The following ERC2 variants were observed in gnomAD, a reference collection of about 807,000 sequenced individuals.
The protein encoded by ERC2 is ELKS/RAB6-interacting/CAST family member 2.
A neutral mutation model predicts 114.8 loss-of-function variants in ERC2; 42 were observed. The observed-to-expected ratio is 0.37, with a 90% CI of 0.29 to 0.47. The LOEUF is 0.47. Ranked by LOEUF, ERC2 falls within the 20% of genes least tolerant of loss-of-function variation. The pLI is 0.99. For missense variants in ERC2, 939 were observed against 1,150.7 expected (o/e 0.82, Z 2.66); for synonymous variants, 454 against 425.5 (o/e 1.07, Z -0.82).
intron 17 of ERC2, among the ~76,000 whole-genome samples, chr3:55,537,959 C>T (rs1282088997): frequency 6.6e-6 from 1 of 152,182 alleles, no homozygotes; most frequent in Non-Finnish European, 1.5e-5. Context: ...CCACCACCCT[C>T]CAATTGTCTC....
intron 4 of ERC2, among the ~76,000 whole-genome samples, chr3:56,168,662 C>G (rs1417188773): frequency 6.6e-6 from 1 of 152,148 alleles, no homozygotes; most frequent in Non-Finnish European, 1.5e-5. Flanking sequence ...CTTGACTTCA[C>G]AGTGTTCCAG....
chr3:56,121,587 T>G (rs373179333), intron 6 of ERC2, among the ~76,000 whole-genome samples: 1 of 152,228 alleles, frequency 6.6e-6, no homozygotes, highest in East Asian at 1.9e-4. Context: ...CCAGGCATTC[T>G]GTGCAGTTAA....
chr3:55,722,439 G>A (rs1359930052), intron 15 of ERC2, among the ~76,000 whole-genome samples: 1 of 152,078 alleles, frequency 6.6e-6, no homozygotes, highest in Non-Finnish European at 1.5e-5. Context: ...GAAAACTCTA[G>A]TGCTTTCCCG....
intron 13 of ERC2, among the ~76,000 whole-genome samples, chr3:55,933,115 A>G (rs930651303): frequency 6.6e-6 from 1 of 151,970 alleles, no homozygotes; most frequent in Non-Finnish European, 1.5e-5. Context: ...AGGCTGAGGC[A>G]GGAGAATAGC....
chr3:56,040,313 AT>A (rs1336035436), intron 7 of ERC2, among the ~76,000 whole-genome samples: 5 of 151,484 alleles, frequency 3.3e-5, no homozygotes, highest in South Asian at 2.1e-4. Context: ...AATTACTTTG[AT>A]TTTTTTTCCA....
chr3:55,641,549 C>CAAAAAAAAAAA (rs57407975), intron 17 of ERC2, among the ~76,000 whole-genome samples: 5 of 28,346 alleles, frequency 1.8e-4, no homozygotes, highest in African/African-American at 4.5e-4. Flanking sequence ...GATTCTATCT[C>CAAAAAAAAAAA]AAAAAAAAAA....
At chr3:56,365,323 T>C (rs1239672004) in intron 2 of ERC2, among the ~76,000 whole-genome samples, 1 of 152,250 alleles carries the variant, frequency 6.6e-6, no homozygotes, top group African/African-American at 2.4e-5. Flanking sequence ...TACAATTGCC[T>C]ACAGTATTCA....
chr3:55,728,872 A>G (rs1320194805), intron 15 of ERC2, among the ~76,000 whole-genome samples: 2 of 152,132 alleles, frequency 1.3e-5, no homozygotes. Flanking sequence ...CTACTCCCAC[A>G]CTACTTAAAA....
intron 17 of ERC2, among the ~76,000 whole-genome samples, chr3:55,570,663 G>A (rs1164593384): frequency 5.9e-5 from 9 of 152,140 alleles, no homozygotes; most frequent in Non-Finnish European, 4.4e-5. Flanking sequence ...ACCTAGACTG[G>A]GATGTGATTA....
chr3:56,153,127 T>C (rs1430824352), intron 4 of ERC2, among the ~76,000 whole-genome samples: 11 of 152,214 alleles, frequency 7.2e-5, no homozygotes, highest in Non-Finnish European at 7.3e-5. Flanking sequence ...TATAGATTAA[T>C]AGTAAACTTA....
chr3:56,033,022 A>AGAG (rs376606499), intron 7 of ERC2, among the ~76,000 whole-genome samples: 2 of 75,670 alleles, frequency 2.6e-5, no homozygotes, highest in South Asian at 4.7e-4. Context: ...AAAGAAAGAA[A>AGAG]AAAGAAACAG....
intron 6 of ERC2, among the ~76,000 whole-genome samples, chr3:56,098,762 G>A (rs1467619122): frequency 6.6e-6 from 1 of 152,166 alleles, no homozygotes; most frequent in Non-Finnish European, 1.5e-5. Context: ...ATGAAGCAGT[G>A]AGGACTTCTA....
intron 3 of ERC2, among the ~76,000 whole-genome samples, chr3:56,195,500 CGTGT>C (rs112067114): frequency 2.0e-5 from 3 of 149,924 alleles, no homozygotes; most frequent in Non-Finnish European, 3.0e-5. Flanking sequence ...TGCGTGTGTG[CGTGT>C]GTGTGTGTGT....
At chr3:55,673,160 G>A (rs2061633789) in intron 17 of ERC2, among the ~76,000 whole-genome samples, 1 of 152,114 alleles carries the variant, frequency 6.6e-6, no homozygotes. Flanking sequence ...CTTTGCAGTG[G>A]CCAATTGTAC....
intron 14 of ERC2, among the ~76,000 whole-genome samples, chr3:55,787,733 G>A (rs1243217458): frequency 6.6e-6 from 1 of 152,138 alleles, no homozygotes; most frequent in African/African-American, 2.4e-5. Flanking sequence ...ACTCACCAGA[G>A]AAAATTTACC....
intron 6 of ERC2, among the ~76,000 whole-genome samples, chr3:56,121,043 G>A (rs1015103100): frequency 2.6e-5 from 4 of 152,202 alleles, no homozygotes; most frequent in Non-Finnish European, 4.4e-5. Context: ...AGTCAGGACA[G>A]CCCTAATTTG....
chr3:56,046,323 C>G (rs2075456677), intron 7 of ERC2, among the ~76,000 whole-genome samples: 1 of 152,170 alleles, frequency 6.6e-6, no homozygotes, highest in African/African-American at 2.4e-5. Flanking sequence ...GAGATACCCA[C>G]AGGACATGGG....
intron 4 of ERC2, among the ~76,000 whole-genome samples, chr3:56,152,729 T>G (rs2081488855): frequency 6.6e-6 from 1 of 152,170 alleles, no homozygotes; most frequent in African/African-American, 2.4e-5. Context: ...AAAAAAGATC[T>G]CAATTGAGTG....
chr3:55,993,283 T>C (rs1576483957), intron 10 of ERC2, among the ~76,000 whole-genome samples: 2 of 152,280 alleles, frequency 1.3e-5, no homozygotes, highest in South Asian at 4.1e-4. Flanking sequence ...ATGGGTGATA[T>C]AATCAAATGT....
Sources: allele counts gnomAD v4.1 joint callset (sites outside exome capture counted in the v4.1 genomes callset), GRCh38; gene constraint gnomAD v4.1.1; transcripts MANE v1.5; gene names NCBI Gene and HGNC (gene_info 2026-07-23, HGNC 2026-07-21).